The following CDH18 variants were observed in gnomAD, a reference collection of about 807,000 sequenced individuals.
CDH18 encodes cadherin-18.
In CDH18, 31 loss-of-function variants were observed where a neutral mutation model predicts 67.9. The ratio of observed to expected loss-of-function variants is 0.46; its 90% CI spans 0.34 to 0.62. The LOEUF (loss-of-function observed/expected upper bound fraction) is 0.62, where lower values mean the gene tolerates loss of function less well. Ranked by LOEUF, CDH18 falls within the 20% of genes least tolerant of loss-of-function variation. CDH18 has a pLI of 0.01. For missense variants in CDH18, 890 were observed against 975.5 expected, an observed-to-expected ratio of 0.91 and a Z score of 1.17; for synonymous variants, 362 against 347.2, an observed-to-expected ratio of 1.04 and a Z score of -0.48.
chr5:19,956,379 A>G (rs984167575), intron 2 of CDH18, among the ~76,000 whole-genome samples: 2 of 151,994 alleles, frequency 1.3e-5, no homozygotes, highest in Non-Finnish European at 2.9e-5. Context: ...TCAAAAGATA[A>G]CACTTTGATT....
At chr5:20,556,386 T>G (rs1208724198) in intron 1 of CDH18, among the ~76,000 whole-genome samples, 2 of 152,164 alleles carry the variant, frequency 1.3e-5, no homozygotes, top group Non-Finnish European at 2.9e-5. Context: ...TCAATCACTT[T>G]GCAAAGGGGT....
intron 9 of CDH18, among the ~76,000 whole-genome samples, chr5:19,536,829 T>C (rs1233960408): frequency 2.0e-5 from 3 of 152,112 alleles, no homozygotes; most frequent in Non-Finnish European, 2.9e-5. Flanking sequence ...GCTACTGGTT[T>C]GGAATGTAAA....
intron 2 of CDH18, among the ~76,000 whole-genome samples, chr5:19,935,543 T>A (rs1794148044): frequency 3.3e-5 from 5 of 151,288 alleles, no homozygotes; most frequent in Admixed American, 3.3e-4. Flanking sequence ...CTAGGAGGAA[T>A]ACGCAATACG....
intron 5 of CDH18, among the ~76,000 whole-genome samples, chr5:19,706,027 C>T (rs1032298964): frequency 1.3e-5 from 2 of 152,090 alleles, no homozygotes; most frequent in African/African-American, 2.4e-5. Context: ...TTTCCAGACG[C>T]CCTATACTTT....
intron 5 of CDH18, among the ~76,000 whole-genome samples, chr5:19,714,785 T>C (rs546953995): frequency 2.6e-5 from 4 of 152,164 alleles, no homozygotes; most frequent in African/African-American, 7.2e-5. Context: ...GGAAACAATA[T>C]ATATTGTCAT....
chr5:20,296,382 C>T (rs1747529773), intron 1 of CDH18, among the ~76,000 whole-genome samples: 1 of 151,754 alleles, frequency 6.6e-6, no homozygotes, highest in African/African-American at 2.4e-5. Flanking sequence ...CTGCCTCAGC[C>T]TCCTGAGTAG....
intron 1 of CDH18, among the ~76,000 whole-genome samples, chr5:20,484,976 TGAG>T (rs939411411): frequency 1.3e-5 from 2 of 152,078 alleles, no homozygotes; most frequent in Admixed American, 6.6e-5. Flanking sequence ...GATATATTCT[TGAG>T]GTGATTGATA....
At chr5:19,838,728 A>G (rs751417879) in intron 3 of CDH18, 31 bp downstream of exon 3, 1 of 1,477,194 alleles carries the variant, frequency 6.8e-7, no homozygotes, top group South Asian at 1.1e-5. Flanking sequence ...TTCTCAGGAT[A>G]GAAAAAACAG....
intron 8 of CDH18, among the ~76,000 whole-genome samples, chr5:19,559,376 G>A (rs781457406): frequency 6.6e-6 from 1 of 151,864 alleles, no homozygotes; most frequent in Non-Finnish European, 1.5e-5. Context: ...TAATATCCAC[G>A]AGTCAATAAA....
intron 3 of CDH18, among the ~76,000 whole-genome samples, chr5:19,752,383 G>T (rs1346144418): frequency 6.6e-6 from 1 of 152,022 alleles, no homozygotes; most frequent in Non-Finnish European, 1.5e-5. Flanking sequence ...TGTGGGAGCT[G>T]GGAGAAGCCT....
chr5:19,971,700 A>T (rs932290007), intron 2 of CDH18, among the ~76,000 whole-genome samples: 1 of 152,112 alleles, frequency 6.6e-6, no homozygotes. Flanking sequence ...CCGAAGGTGG[A>T]GGGTGGAAGG....
In CDH18 at chr5:20,058,118, A is replaced by G. The variant is rs1018937414; in HGVS notation, c.-517-66104T>C. 3.3e-5 allele frequency among the ~76,000 whole-genome samples: 5 copies of G among 152,100 alleles called. No homozygotes were observed. In the East Asian group the frequency reaches 9.7e-4, roughly 29 times the overall value. ...ATTTCTCTTGGTCAATTTTTATAAC[A>G]CAGTTGCCTTAGTTATTAGTCAAAT... On this transcript the variant is annotated intron_variant, in intron 2 of 14. Coordinates refer to the CDH18 transcript ENST00000507958.
intron 1 of CDH18, among the ~76,000 whole-genome samples, chr5:20,416,780 T>G (rs1347966786): frequency 6.6e-6 from 1 of 152,048 alleles, no homozygotes; most frequent in Non-Finnish European, 1.5e-5. Flanking sequence ...AGTGGTATGA[T>G]AAGGTTCTTT....
chr5:19,505,991 C>T (rs1319655502), intron 10 of CDH18, among the ~76,000 whole-genome samples: 21 of 151,954 alleles, frequency 1.4e-4, no homozygotes, highest in Non-Finnish European at 8.8e-5. Flanking sequence ...TGCCTCAATT[C>T]CAGAGCCTGT....
intron 1 of CDH18, among the ~76,000 whole-genome samples, chr5:20,538,080 G>A (rs2126577171): frequency 7.6e-6 from 1 of 132,328 alleles, no homozygotes; most frequent in East Asian, 2.5e-4. Flanking sequence ...AGAATTATGA[G>A]TTTACTTGCC....
chr5:19,741,760 A>G (rs1428517948), intron 4 of CDH18, among the ~76,000 whole-genome samples: 1 of 152,100 alleles, frequency 6.6e-6, no homozygotes, highest in Non-Finnish European at 1.5e-5. Flanking sequence ...CATGTTCCCT[A>G]GGGCAGTAGT....
At chr5:20,414,311 T>C (rs367846720) in intron 1 of CDH18, among the ~76,000 whole-genome samples, 4 of 152,184 alleles carry the variant, frequency 2.6e-5, no homozygotes, top group African/African-American at 9.7e-5. Context: ...ATCACTTCGT[T>C]TACAACAATA....
At chr5:20,573,806 AATATATATATATATATAT>A (rs60858438) in intron 1 of CDH18, among the ~76,000 whole-genome samples, 22,410 of 119,354 alleles carry the variant, frequency 0.19, 2,818 homozygotes, top group African/African-American at 0.24. Context: ...ACTTAAAAGA[AATATATATATATATATAT>A]ATATATATAT....
At chr5:20,055,836 T>C (rs1741848354) in intron 2 of CDH18, among the ~76,000 whole-genome samples, 1 of 152,134 alleles carries the variant, frequency 6.6e-6, no homozygotes, top group Non-Finnish European at 1.5e-5. Flanking sequence ...CAGAAGGTCC[T>C]TTACATTAAT....
Sources: gnomAD v4.1 joint callset for allele counts (sites outside exome capture counted in the v4.1 genomes callset) on GRCh38, gnomAD v4.1.1 for gene constraint, MANE v1.5 for transcripts, NCBI Gene and HGNC (gene_info 2026-07-23, HGNC 2026-07-21) for gene names.